HMGCLL1: variants seen among roughly 807,000 people sequenced by gnomAD.
HMGCLL1 encodes the protein 3-hydroxymethyl-3-methylglutaryl-CoA lyase, cytoplasmic.
HMGCLL1 carries 36 observed loss-of-function variants against 39.1 expected under a neutral mutation model. The observed-to-expected ratio is 0.92, with a 90% CI of 0.71 to 1.22. HMGCLL1 has a LOEUF of 1.22. HMGCLL1 is among the 50% of genes most tolerant of loss of function. The pLI, the probability that HMGCLL1 is intolerant of heterozygous loss-of-function variation, is 0.00. For missense variants in HMGCLL1, 451 were observed against 416.5 expected (o/e 1.08, Z -0.72); for synonymous variants, 149 against 144.0 (o/e 1.03, Z -0.25).
At chr6:55,459,979 T>A (rs902986161) in intron 7 of HMGCLL1, among the ~76,000 whole-genome samples, 2 of 152,018 alleles carry the variant, frequency 1.3e-5, no homozygotes, top group Admixed American at 6.6e-5. Flanking sequence ...TTTCAGCTAA[T>A]GTCTATAGAA....
chr6:55,651,197 T>A, the HMGCLL1 span, among the ~76,000 whole-genome samples: 1 of 152,122 alleles, frequency 6.6e-6, no homozygotes, highest in African/African-American at 2.4e-5. Flanking sequence ...TGCAGCATAC[T>A]CCCTCAGTTT....
intron 7 of HMGCLL1, among the ~76,000 whole-genome samples, chr6:55,451,851 G>A (rs79503969): frequency 6.6e-6 from 1 of 152,186 alleles, no homozygotes; most frequent in Non-Finnish European, 1.5e-5. Context: ...TAATAAGCTA[G>A]TGATGGCTTG....
At chr6:55,547,745 TTTTG>T (rs1239186272) in intron 1 of HMGCLL1, among the ~76,000 whole-genome samples, 1 of 152,016 alleles carries the variant, frequency 6.6e-6, no homozygotes, top group Non-Finnish European at 1.5e-5. Flanking sequence ...GAAAATCTAT[TTTTG>T]TTGTCTCATT....
At chr6:55,615,966 C>T in the HMGCLL1 span, among the ~76,000 whole-genome samples, 1 of 152,034 alleles carries the variant, frequency 6.6e-6, no homozygotes, top group African/African-American at 2.4e-5. Flanking sequence ...ACAGTTGTAG[C>T]CACACTTACA....
At chr6:55,546,408 G>A (rs193191432) in intron 1 of HMGCLL1, among the ~76,000 whole-genome samples, 84 of 152,116 alleles carry the variant, frequency 5.5e-4, no homozygotes, top group Non-Finnish European at 7.1e-4. Context: ...AACCCTCAGA[G>A]TTATCAAAAT....
chr6:55,529,878 C>T (rs1219449171), intron 3 of HMGCLL1, among the ~76,000 whole-genome samples: 1 of 152,014 alleles, frequency 6.6e-6, no homozygotes, highest in East Asian at 1.9e-4. Flanking sequence ...ACAATAAAAG[C>T]AATAAATGGG....
intron 3 of HMGCLL1, among the ~76,000 whole-genome samples, chr6:55,532,709 G>A (rs1436856463): frequency 1.3e-5 from 2 of 151,810 alleles, no homozygotes; most frequent in East Asian, 3.9e-4. Context: ...GCTGAAGCAG[G>A]AGAATCGCTT....
chr6:55,547,429 T>C (rs1231159441), intron 1 of HMGCLL1, among the ~76,000 whole-genome samples: 1 of 152,048 alleles, frequency 6.6e-6, no homozygotes, highest in East Asian at 1.9e-4. Flanking sequence ...GATTGCTTAT[T>C]AGTCACCCTA....
At chr6:55,532,128 A>AT (rs1423576511) in intron 3 of HMGCLL1, among the ~76,000 whole-genome samples, 3 of 152,024 alleles carry the variant, frequency 2.0e-5, no homozygotes, top group African/African-American at 7.2e-5. Flanking sequence ...TGTTTTGGTT[A>AT]TTTTTTTAAA....
At chr6:55,674,722 A>G in the HMGCLL1 span, among the ~76,000 whole-genome samples, 2 of 152,074 alleles carry the variant, frequency 1.3e-5, no homozygotes, top group African/African-American at 2.4e-5. Context: ...GGGTAATAGG[A>G]CCTGTGAGGA....
the HMGCLL1 span, among the ~76,000 whole-genome samples, chr6:55,619,387 G>A: frequency 6.6e-6 from 1 of 151,988 alleles, no homozygotes; most frequent in African/African-American, 2.4e-5. Flanking sequence ...GAGTTAATAA[G>A]ACTACTGATT....
the HMGCLL1 span, among the ~76,000 whole-genome samples, chr6:55,644,677 T>C: frequency 0.029 from 4,472 of 152,156 alleles, 235 homozygotes; most frequent in African/African-American, 0.1. Context: ...ATGTATGTTC[T>C]TGGCACCTTT....
intron 1 of HMGCLL1, chr6:55,563,899 TCA>T: frequency 7.8e-7 from 1 of 1,287,984 alleles, no homozygotes; most frequent in Non-Finnish European, 1.0e-6. Flanking sequence ...AGCATCAGCA[TCA>T]CAGACTGAAG....
At chr6:55,483,655 C>T (rs1197074295) in intron 7 of HMGCLL1, among the ~76,000 whole-genome samples, 2 of 151,898 alleles carry the variant, frequency 1.3e-5, no homozygotes, top group Non-Finnish European at 2.9e-5. Flanking sequence ...GGCATTTGCA[C>T]GAAATAAATA....
intron 7 of HMGCLL1, among the ~76,000 whole-genome samples, chr6:55,481,118 C>T (rs1023840520): frequency 5.3e-5 from 8 of 152,018 alleles, no homozygotes; most frequent in Non-Finnish European, 8.8e-5. Flanking sequence ...CAGTGGCTCA[C>T]GCCTAGAATC....
chr6:55,579,141 T>G lies in HMGCLL1; in HGVS notation c.-86A>C. 2.0e-6 allele frequency: 2 copies of G among 1,014,472 alleles called. No homozygotes were observed. The highest frequency in any genetic ancestry group is 3.0e-6 in the Non-Finnish European group (2 of 665,886). The allele number at this position is 1,014,472 out of a possible 1,614,324, so 62.8% of individuals were successfully genotyped here. A position where few individuals can be genotyped will look rare whatever the true frequency, so the allele number is the denominator to read the frequency against. Reference sequence around the variant, plus strand: ...CACCGCGCTGGGAAACTGCGCCAGCTCGGGAGCGCGCCCCTCCGGTGCACT... The same window carrying G: ...CACCGCGCTGGGAAACTGCGCCAGCGCGGGAGCGCGCCCCTCCGGTGCACT... On this transcript the variant is annotated 5_prime_UTR_variant, in exon 1 of 9. Coordinates refer to ENST00000274901, the MANE Select transcript of HMGCLL1 (RefSeq NM_001042406.2).
chr6:55,627,999 ATAGT>A, the HMGCLL1 span, among the ~76,000 whole-genome samples: 10 of 20,596 alleles, frequency 4.9e-4, no homozygotes, highest in Admixed American at 9.9e-4. Flanking sequence ...TATTATATAT[ATAGT>A]TATATACTAT....
At chr6:55,449,711 G>A (rs981977314) in intron 7 of HMGCLL1, among the ~76,000 whole-genome samples, 1 of 151,840 alleles carries the variant, frequency 6.6e-6, no homozygotes, top group Non-Finnish European at 1.5e-5. Flanking sequence ...CTCTTCTGTT[G>A]ACTTAGTATT....
the HMGCLL1 span, among the ~76,000 whole-genome samples, chr6:55,628,255 ATT>A: frequency 2.5e-5 from 3 of 121,244 alleles, no homozygotes; most frequent in Admixed American, 3.3e-4. Context: ...GTAGGATAAC[ATT>A]TTTTTCTCTT....
Sources: allele counts gnomAD v4.1 joint callset (sites outside exome capture counted in the v4.1 genomes callset), GRCh38; gene constraint gnomAD v4.1.1; transcripts MANE v1.5; gene names NCBI Gene and HGNC (gene_info 2026-07-23, HGNC 2026-07-21).